CFAP99: variants seen among roughly 807,000 people sequenced by gnomAD.
CFAP99 encodes cilia- and flagella-associated protein 99.
A neutral mutation model predicts 82.7 loss-of-function variants in CFAP99; 84 were observed. The ratio of observed to expected loss-of-function variants is 1.02; its 90% confidence interval spans 0.85 to 1.22. The LOEUF (loss-of-function observed/expected upper bound fraction) is 1.22, where lower values mean the gene tolerates loss of function less well. CFAP99 is among the 50% of genes most tolerant of loss of function. The pLI, the probability that CFAP99 is intolerant of heterozygous loss-of-function variation, is 0.00. For synonymous variants in CFAP99, 456 were observed against 429.5 expected (o/e 1.06, Z -0.76); for missense variants, 1,059 against 983.5 (o/e 1.08, Z -1.03).
intron 2 of CFAP99, among the ~76,000 whole-genome samples, chr4:2,431,905 G>A (rs867275087): frequency 6.6e-6 from 1 of 151,982 alleles, no homozygotes; most frequent in Non-Finnish European, 1.5e-5. Flanking sequence ...TATAATCATC[G>A]TTTCTCTTGT....
intron 2 of CFAP99, among the ~76,000 whole-genome samples, chr4:2,432,708 A>AGCAAAGGGTCCAGCTGGACCCT (rs1273740842): frequency 1.1e-4 from 16 of 152,118 alleles, no homozygotes; most frequent in African/African-American, 3.1e-4. Flanking sequence ...ACCCTTTGCT[A>AGCAAAGGGTCCAGCTGGACCCT]TTGAGTGCCT....
chr4:2,440,868 A>G (rs1349270494), intron 4 of CFAP99, among the ~76,000 whole-genome samples: 1 of 151,934 alleles, frequency 6.6e-6, no homozygotes, highest in East Asian at 1.9e-4. Flanking sequence ...TGCTGGGATT[A>G]CAGGCGTCAG....
At chr4:2,439,777 C>A (rs1422771195) in intron 4 of CFAP99, among the ~76,000 whole-genome samples, 1 of 152,118 alleles carries the variant, frequency 6.6e-6, no homozygotes, top group Non-Finnish European at 1.5e-5. Context: ...GAAACCAAAC[C>A]CCAGAAACCA....
chr4:2,459,221 A>G, exon 13 of CFAP99: 1 of 1,535,552 alleles, frequency 6.5e-7, no homozygotes, highest in Non-Finnish European at 8.7e-7. Flanking sequence ...CTCGAGACAC[A>G]GCCCACGCGC....
chr4:2,440,798 G>A (rs1394315586), intron 4 of CFAP99, among the ~76,000 whole-genome samples: 1 of 149,792 alleles, frequency 6.7e-6, no homozygotes, highest in Non-Finnish European at 1.5e-5. Context: ...GTTTCACCAT[G>A]TTAGCCAGGA....
intron 2 of CFAP99, among the ~76,000 whole-genome samples, chr4:2,430,959 G>C (rs1733787995): frequency 6.6e-6 from 1 of 152,082 alleles, no homozygotes; most frequent in South Asian, 2.1e-4. Context: ...TGTAGTCCCA[G>C]CTACTCGGGG....
At chr4:2,459,953 C>A in intron 13 of CFAP99, 84 bp from the exon 14 acceptor site, 1 of 1,266,200 alleles carries the variant, frequency 7.9e-7, no homozygotes, top group Non-Finnish European at 1.1e-6. Flanking sequence ...AGGGGTGGGC[C>A]TATGGAACAG....
At chr4:2,449,004 C>A (rs1484078022) in intron 6 of CFAP99, among the ~76,000 whole-genome samples, 1 of 152,092 alleles carries the variant, frequency 6.6e-6, no homozygotes, top group Non-Finnish European at 1.5e-5. Context: ...TGAGGGAGGG[C>A]TCGTTTGAGG....
At chr4:2,459,571 G>A (rs944877881) in intron 13 of CFAP99, among the ~76,000 whole-genome samples, 2 of 152,206 alleles carry the variant, frequency 1.3e-5, no homozygotes, top group Admixed American at 1.3e-4. Context: ...AAAGGGCAGT[G>A]TAGGGAGAGC....
intron 2 of CFAP99, among the ~76,000 whole-genome samples, chr4:2,435,582 A>C (rs923378341): frequency 1.3e-5 from 2 of 152,194 alleles, no homozygotes; most frequent in African/African-American, 4.8e-5. Context: ...ATTGTAAGTG[A>C]AATTAATTAT....
intron 1 of CFAP99, among the ~76,000 whole-genome samples, chr4:2,419,689 G>C (rs958365653): frequency 6.6e-6 from 1 of 152,128 alleles, no homozygotes; most frequent in African/African-American, 2.4e-5. Flanking sequence ...AGGTCCGTGG[G>C]CTCCATGACC....
intron 4 of CFAP99, among the ~76,000 whole-genome samples, chr4:2,441,560 T>C (rs962330525): frequency 2.6e-5 from 4 of 152,058 alleles, no homozygotes; most frequent in South Asian, 2.1e-4. Flanking sequence ...CACAGCACCG[T>C]TGGGGACAGG....
Position 2,457,317 on chromosome 4 carries a change from C to T in CFAP99, c.1162-1406C>T, listed in dbSNP as rs543659522. Among the ~76,000 whole-genome samples the T allele has an allele frequency of 1.2e-3, 176 of 152,340 alleles. 4 individuals are homozygous for T. The South Asian group carries it at 0.02, about 18-fold the overall frequency. On this transcript the variant is annotated intron_variant, in intron 11 of 14. Coordinates refer to ENST00000635017, the Ensembl canonical transcript of CFAP99. ...ACTTGCATCTTTTTTCCACTTGATT[C>T]TGGCCACAGAAATGCTGTTCCATGT...
At chr4:2,457,638 T>G (rs778940680) in intron 11 of CFAP99, among the ~76,000 whole-genome samples, 2 of 152,060 alleles carry the variant, frequency 1.3e-5, no homozygotes, top group African/African-American at 2.4e-5. Flanking sequence ...GCTTACTGCC[T>G]GGAAACCCTC....
chr4:2,439,673 C>T (rs1489080357), intron 4 of CFAP99, among the ~76,000 whole-genome samples: 1 of 152,186 alleles, frequency 6.6e-6, no homozygotes, highest in Non-Finnish European at 1.5e-5. Context: ...TTACCTTAAG[C>T]AAGGCCTTCA....
intron 11 of CFAP99, among the ~76,000 whole-genome samples, chr4:2,458,404 G>C (rs541925283): frequency 6.6e-6 from 1 of 152,220 alleles, no homozygotes; most frequent in African/African-American, 2.4e-5. Context: ...ACTGTGAACA[G>C]CCTACGTTGC....
At position 2,451,023 on chromosome 4, in the gene CFAP99, G is replaced by C. The variant is rs1734287421; in HGVS notation, c.867+5G>C. 6.5e-7 allele frequency: 1 copy of C among 1,535,600 alleles called. No individual in the cohort carries two copies. The highest frequency in any genetic ancestry group is 1.4e-5 in the African/African-American group (1 of 73,022). On this transcript the variant is annotated splice_donor_5th_base_variant and intron_variant, in intron 9 of 14. Transcript: ENST00000635017. ...CCGAAGCTGACCTTCTATAGGGTGA[G>C]GGGTGCTCCTGGATGGTCAGGCTGC... is the stretch of plus-strand genomic sequence containing the variant.
Position 2,459,113 on chromosome 4 carries a change from A to AG in CFAP99, c.1312dup (p.Ala438GlyfsTer25). On this transcript the variant is annotated frameshift_variant, in exon 13 of 15. Transcript: ENST00000635017. LOFTEE classifies it high-confidence loss of function. ...TCCTGGCTTGGCCCCCAAGTTCAGG[A>AG]GGCGATCGAGGAGAGCAGGGGGCTG... The AG allele has an allele frequency of 1.3e-6, 2 of 1,515,512 alleles. No individual in the cohort carries two copies. The highest frequency in any genetic ancestry group is 1.8e-6 in the Non-Finnish European group (2 of 1,135,722). 93.9% of individuals were successfully genotyped at this position (1,515,512 alleles called of 1,614,324 possible). A position where few individuals can be genotyped will look rare whatever the true frequency, so the allele number is the denominator to read the frequency against.
At position 2,459,176 on chromosome 4, in the gene CFAP99, G is replaced by A. The variant is rs986844581; in HGVS notation, c.1373G>A (p.Arg458Gln). 24 of 1,535,488 alleles carry A rather than the reference G, an allele frequency of 1.6e-5. No homozygotes were observed. The highest frequency in any genetic ancestry group is 4.9e-5 in the East Asian group (2 of 40,926). ...GCGCAGGCAGCCCAGGAGGAGCAGC[G>A]GCGCCGTTGTGAACTCATCTCCCAG... The change falls in exon 13 of 15, where the codon CGG becomes CAG. Residue 458 changes from arginine to glutamine, a missense_variant. By Grantham distance (43) the Arg-to-Gln change is conservative. Transcript: ENST00000635017.
Sources: allele counts gnomAD v4.1 joint callset (sites outside exome capture counted in the v4.1 genomes callset), GRCh38; gene constraint gnomAD v4.1.1; transcripts MANE v1.5; gene names NCBI Gene and HGNC (gene_info 2026-07-23, HGNC 2026-07-21).